FSTL5: variants seen among roughly 807,000 people sequenced by gnomAD.
The protein encoded by FSTL5 is follistatin-related protein 5.
Under a neutral mutation model 89.1 loss-of-function variants are expected in FSTL5, and 62 were observed. The observed-to-expected ratio is 0.70, with a 90% CI of 0.57 to 0.86. FSTL5 has a LOEUF of 0.86. Among genes scored for constraint, FSTL5 ranks in the 40% least tolerant of loss-of-function variants. The pLI is 0.00. For synonymous variants in FSTL5, 383 were observed against 346.2 expected (o/e 1.11, Z -1.18); for missense variants, 1,057 against 1,001.6 (o/e 1.06, Z -0.75).
intron 4 of FSTL5, among the ~76,000 whole-genome samples, chr4:161,862,733 A>AAAAT (rs745449244): frequency 1.3e-5 from 2 of 152,166 alleles, no homozygotes; most frequent in East Asian, 3.9e-4. Flanking sequence ...TCCATCTCAA[A>AAAAT]AAATAAATAA....
intron 12 of FSTL5, among the ~76,000 whole-genome samples, chr4:161,486,058 G>A (rs1729666073): frequency 6.6e-6 from 1 of 150,696 alleles, no homozygotes; most frequent in Non-Finnish European, 1.5e-5. Context: ...GCAGGAGAAT[G>A]GCTTGAACCC....
chr4:161,746,934 C>G (rs1216549907), intron 6 of FSTL5, among the ~76,000 whole-genome samples: 1 of 152,174 alleles, frequency 6.6e-6, no homozygotes, highest in Non-Finnish European at 1.5e-5. Context: ...AGAAAAGCAC[C>G]TGTCCTCTTG....
intron 1 of FSTL5, among the ~76,000 whole-genome samples, chr4:162,162,470 G>A (rs969984721): frequency 5.3e-5 from 8 of 151,656 alleles, no homozygotes; most frequent in African/African-American, 1.9e-4. Context: ...TCCTTTTCCA[G>A]GCATCATTTA....
chr4:161,400,255 T>C (rs1317438045), intron 15 of FSTL5, among the ~76,000 whole-genome samples: 1 of 152,070 alleles, frequency 6.6e-6, no homozygotes, highest in Admixed American at 6.6e-5. Context: ...CTTTGTTCAG[T>C]GGATATAAAT....
In FSTL5 at chr4:161,522,809, G is replaced by T. The variant is rs73859238; in HGVS notation, c.1313-12385C>A. 7.0e-3 allele frequency among the ~76,000 whole-genome samples: 1,057 copies of T among 151,510 alleles called. 9 individuals carry two copies. Among genetic ancestry groups the T allele is most frequent in the African/African-American group, 0.023 (939 of 41,418 alleles). On this transcript the variant is annotated intron_variant, in intron 10 of 15. Coordinates refer to ENST00000306100, the MANE Select transcript of FSTL5 (RefSeq NM_020116.5). ...TGCTAATAAAAGTATAAGTGATTCC[G>T]AAATTATTTGAAGTTTAAAATATTT...
chr4:161,421,525 A>G (rs985236387), intron 15 of FSTL5, among the ~76,000 whole-genome samples: 1 of 152,196 alleles, frequency 6.6e-6, no homozygotes, highest in Non-Finnish European at 1.5e-5. Context: ...GGAGGTGTGC[A>G]TGGGTTCCAA....
At chr4:161,594,136 T>G (rs1733927078) in intron 7 of FSTL5, among the ~76,000 whole-genome samples, 1 of 152,008 alleles carries the variant, frequency 6.6e-6, no homozygotes, top group Non-Finnish European at 1.5e-5. Flanking sequence ...ATATCTAGTC[T>G]CCATAACATA....
intron 2 of FSTL5, among the ~76,000 whole-genome samples, chr4:162,058,351 A>C (rs1738618251): frequency 6.6e-6 from 1 of 151,776 alleles, no homozygotes; most frequent in Admixed American, 6.6e-5. Flanking sequence ...GAAATAGATT[A>C]GCCTGTGATG....
At chr4:161,536,313 A>T (rs530110975) in intron 10 of FSTL5, among the ~76,000 whole-genome samples, 6 of 152,196 alleles carry the variant, frequency 3.9e-5, no homozygotes, top group Non-Finnish European at 7.4e-5. Context: ...TGTGCCATGT[A>T]TATCTAATAT....
At chr4:161,815,169 A>AT (rs1350638645) in intron 4 of FSTL5, among the ~76,000 whole-genome samples, 5 of 152,104 alleles carry the variant, frequency 3.3e-5, no homozygotes, top group East Asian at 3.9e-4. Context: ...TCTTAAATAT[A>AT]TTTTTTAAAT....
At chr4:162,092,708 G>C (rs1163850127) in intron 2 of FSTL5, among the ~76,000 whole-genome samples, 1 of 151,836 alleles carries the variant, frequency 6.6e-6, no homozygotes, top group African/African-American at 2.4e-5. Context: ...CCCAGGACTT[G>C]GGGAGGCTGA....
intron 5 of FSTL5, among the ~76,000 whole-genome samples, chr4:161,772,759 G>T (rs1368375628): frequency 1.3e-5 from 2 of 152,070 alleles, no homozygotes; most frequent in African/African-American, 2.4e-5. Flanking sequence ...TTGTGAAAAT[G>T]ACCATACTTC....
intron 4 of FSTL5, among the ~76,000 whole-genome samples, chr4:161,903,301 C>T (rs1284619044): frequency 6.6e-6 from 1 of 151,984 alleles, no homozygotes; most frequent in Non-Finnish European, 1.5e-5. Flanking sequence ...ATTTTCATTT[C>T]CTTCTGGCAC....
intron 4 of FSTL5, among the ~76,000 whole-genome samples, chr4:161,849,363 G>A (rs113704451): frequency 3.9e-4 from 59 of 151,998 alleles, no homozygotes; most frequent in Middle Eastern, 3.4e-3. Context: ...TGTTTAGCTA[G>A]CCATAACAAC....
At chr4:161,709,942 T>C (rs1481761959) in intron 6 of FSTL5, among the ~76,000 whole-genome samples, 1 of 152,130 alleles carries the variant, frequency 6.6e-6, no homozygotes, top group Non-Finnish European at 1.5e-5. Context: ...ATTTTAGTAT[T>C]CCATGTTTGA....
At chr4:161,691,322 T>C (rs969915579) in intron 6 of FSTL5, among the ~76,000 whole-genome samples, 7 of 152,120 alleles carry the variant, frequency 4.6e-5, no homozygotes. Flanking sequence ...TACTCTTGAC[T>C]CACATGTTCA....
At chr4:161,713,663 C>T (rs909804814) in intron 6 of FSTL5, among the ~76,000 whole-genome samples, 3 of 152,072 alleles carry the variant, frequency 2.0e-5, no homozygotes, top group Non-Finnish European at 4.4e-5. Context: ...CACACACACA[C>T]CCCTACAGGT....
chr4:161,597,134 G>T (rs1734043352), intron 7 of FSTL5, among the ~76,000 whole-genome samples: 1 of 152,102 alleles, frequency 6.6e-6, no homozygotes, highest in East Asian at 1.9e-4. Context: ...GTATTGCCTA[G>T]GTTTTCTTCT....
chr4:161,707,158 T>A (rs72689124), intron 6 of FSTL5, among the ~76,000 whole-genome samples: 22,726 of 151,838 alleles, frequency 0.15, 1,985 homozygotes, highest in Middle Eastern at 0.26. Context: ...TTTCTAGAAA[T>A]ACAAATTGTT....
Sources: gnomAD v4.1 joint callset for allele counts (sites outside exome capture counted in the v4.1 genomes callset) on GRCh38, gnomAD v4.1.1 for gene constraint, MANE v1.5 for transcripts, NCBI Gene and HGNC (gene_info 2026-07-23, HGNC 2026-07-21) for gene names.